The following FARSB variants were observed in gnomAD, a reference collection of about 807,000 sequenced individuals.
The protein encoded by FARSB is phenylalanyl-tRNA synthetase subunit beta.
In FARSB, 40 loss-of-function variants were observed where a neutral mutation model predicts 69.6. That is an observed-to-expected ratio of 0.57 (90% CI 0.45 to 0.75). FARSB has a LOEUF of 0.75. Ranked by LOEUF, FARSB falls within the 30% of genes least tolerant of loss-of-function variation. FARSB has a pLI of 0.00. For synonymous variants in FARSB, 235 were observed against 247.2 expected, an observed-to-expected ratio of 0.95 and a Z score of 0.46; for missense variants, 632 against 722.9, an observed-to-expected ratio of 0.87 and a Z score of 1.44.
At chr2:222,576,193 T>C (rs920490682) in intron 16 of FARSB, among the ~76,000 whole-genome samples, 3 of 152,100 alleles carry the variant, frequency 2.0e-5, no homozygotes, top group Non-Finnish European at 4.4e-5. Flanking sequence ...ACTGGCTATA[T>C]TCGACTCAAT....
intron 16 of FARSB, among the ~76,000 whole-genome samples, chr2:222,580,494 C>CA (rs5838957): frequency 0.045 from 6,221 of 139,446 alleles, 247 homozygotes; most frequent in African/African-American, 0.11. Context: ...GACAACATCT[C>CA]AAAAAAAAAA....
rs1291605481 is a variant in FARSB, at chr2:222,648,758, A to T, written c.96T>A (p.Gly32=). 2 of 1,603,104 alleles carry T rather than the reference A, an allele frequency of 1.2e-6. No individual in the cohort carries two copies. Among genetic ancestry groups the T allele is most frequent in the Non-Finnish European group, 1.7e-6 (2 of 1,170,008 alleles). Residue 32 remains glycine (G), a synonymous_variant, in exon 2 of 17, where the codon GGT becomes GGA. Coordinates refer to ENST00000281828, the MANE Select transcript of FARSB (RefSeq NM_005687.5). ...TACATACAATTTCATCAAGCTCCAG[A>T]CCAAATTCAAAACATAGTTCATCAA... ...EEFDELCFEF[G]LELDEITSEK... is the part of the protein sequence containing the mutation.
At position 222,613,929 on chromosome 2, in the gene FARSB, C is replaced by G; in HGVS notation, c.1345-1G>C. The G allele has an allele frequency of 6.2e-7, 1 of 1,602,448 alleles. No homozygotes were observed. The highest frequency in any genetic ancestry group is 8.5e-7 in the Non-Finnish European group (1 of 1,169,646). ...CAGGAAGAAGGGTAGTGCGTGCCAC[C>G]TACAGGAAAAGACATGAAATTGCAC... On this transcript the variant is annotated splice_acceptor_variant, in intron 14 of 16. Transcript: ENST00000281828. LOFTEE classifies it high-confidence loss of function.
Position 222,643,113 on chromosome 2 carries a change from A to G in FARSB, c.115-108T>C, listed in dbSNP as rs1004290197. On this transcript the variant is annotated intron_variant, in intron 2 of 16. Transcript: ENST00000281828. ...AGTAACTACATTATACATATTTTCT[A>G]TAACAAGAACATGGGATTATTATAT... 1.9e-4 allele frequency: 106 copies of G among 553,784 alleles called. 1 individual carries two copies. The highest frequency in any genetic ancestry group is 6.0e-4 in the South Asian group (18 of 30,184). 34.3% of individuals were successfully genotyped at this position (553,784 alleles called of 1,614,324 possible). A position where few individuals can be genotyped will look rare whatever the true frequency, so the allele number is the denominator to read the frequency against.
At chr2:222,655,837 G>A (rs1201617395) in intron 1 of FARSB, among the ~76,000 whole-genome samples, 179 bp downstream of exon 1, 2 of 152,262 alleles carry the variant, frequency 1.3e-5, no homozygotes, top group Non-Finnish European at 2.9e-5. Context: ...CTGCGATGCC[G>A]GTTCCGAGGC....
intron 6 of FARSB, among the ~76,000 whole-genome samples, chr2:222,633,873 A>C (rs1253479134): frequency 6.6e-6 from 1 of 152,230 alleles, no homozygotes; most frequent in Non-Finnish European, 1.5e-5. Context: ...TTTCAAAGGA[A>C]ACATAAACCA....
intron 14 of FARSB, among the ~76,000 whole-genome samples, 189 bp from the exon 15 acceptor site, chr2:222,614,117 C>T (rs1369647404): frequency 6.6e-6 from 1 of 152,118 alleles, no homozygotes; most frequent in Non-Finnish European, 1.5e-5. Flanking sequence ...CTGAAAAGAA[C>T]TGAAAACATT....
chr2:222,631,172 T>C (rs926324112), intron 8 of FARSB, among the ~76,000 whole-genome samples: 4 of 150,444 alleles, frequency 2.7e-5, no homozygotes, highest in African/African-American at 1.0e-4. Context: ...AGCTTCTTCA[T>C]CGCCAGTTCC....
At chr2:222,586,619 A>G (rs1690119288) in intron 16 of FARSB, among the ~76,000 whole-genome samples, 1 of 152,198 alleles carries the variant, frequency 6.6e-6, no homozygotes, top group African/African-American at 2.4e-5. Flanking sequence ...GACTCATCTC[A>G]CATGCAGAGA....
chr2:222,618,175 A>G lies in FARSB; in HGVS notation c.1344+1470T>C, dbSNP rs190432909. Among the ~76,000 whole-genome samples, 221 of 152,300 alleles carry G rather than the reference A, an allele frequency of 1.5e-3. 1 individual carries two copies. The highest frequency in any genetic ancestry group is 0.013 in the Admixed American group (193 of 15,300). On this transcript the variant is annotated intron_variant, in intron 14 of 16. Coordinates refer to ENST00000281828, the MANE Select transcript of FARSB (RefSeq NM_005687.5). ...TTCTGACCCTAAGTATAGATAAAGA[A>G]TTCATATACTTGATATATATTACCA...
intron 7 of FARSB, among the ~76,000 whole-genome samples, chr2:222,632,728 C>T (rs767542246): frequency 5.9e-5 from 9 of 151,896 alleles, no homozygotes; most frequent in African/African-American, 1.9e-4. Flanking sequence ...GTGGGAGAAT[C>T]GCTTGAGCCC....
At chr2:222,581,591 C>G (rs539829225) in intron 16 of FARSB, among the ~76,000 whole-genome samples, 29 of 152,194 alleles carry the variant, frequency 1.9e-4, no homozygotes, top group African/African-American at 7.0e-4. Context: ...AGTGGTTTTT[C>G]AACAATTTTC....
At position 222,599,322 on chromosome 2, in the gene FARSB, G is replaced by C. The variant is rs534324273; in HGVS notation, c.1618+606C>G. On this transcript the variant is annotated intron_variant, in intron 16 of 16. Coordinates refer to ENST00000281828, the MANE Select transcript of FARSB (RefSeq NM_005687.5). ...AAAAGCAAAAATTTCAGAGTTCCTT[G>C]GATAATGAGAAACTATTAATAGAAT... Among the ~76,000 whole-genome samples, 38 of 152,174 alleles carry C rather than the reference G, an allele frequency of 2.5e-4. No homozygotes were observed. In the South Asian group the frequency reaches 7.9e-3, roughly 32 times the overall value.
chr2:222,656,048 T>G lies in FARSB; in HGVS notation c.26A>C (p.Asp9Ala). 6.3e-7 allele frequency: 1 copy of G among 1,596,260 alleles called. No homozygotes were observed. The change falls in exon 1 of 17, where the codon GAT becomes GCT. Residue 9 changes from aspartate (D) to alanine (A), a missense_variant. Transcript: ENST00000281828. ...GCGGCCCAGGGCTTGGAAGAGCAGA[T>G]CACGCTTCACGCTGACAGTCGGCAT... MPTVSVKR[D>A]LLFQALGRTY...
chr2:222,590,140 A>G (rs1690225898), intron 16 of FARSB, among the ~76,000 whole-genome samples: 3 of 152,216 alleles, frequency 2.0e-5, no homozygotes, highest in Non-Finnish European at 4.4e-5. Flanking sequence ...GATAGACTGG[A>G]TTAAGAAAAT....
Position 222,598,044 on chromosome 2 carries a change from A to G in FARSB, c.1618+1884T>C, listed in dbSNP as rs895314581. ...TCCAAACATACAGCCTGTGTTTCCT[A>G]TCATTAGTTTGCCTTGCTTCCCCTG... On this transcript the variant is annotated intron_variant, in intron 16 of 16. Transcript: ENST00000281828. 2.0e-5 allele frequency among the ~76,000 whole-genome samples: 3 copies of G among 152,176 alleles called. No homozygotes were observed. In the East Asian group the frequency reaches 5.8e-4, roughly 29 times the overall value.
chr2:222,580,018 A>C (rs1186712627), intron 16 of FARSB, among the ~76,000 whole-genome samples: 1 of 152,172 alleles, frequency 6.6e-6, no homozygotes, highest in Non-Finnish European at 1.5e-5. Flanking sequence ...ACTTGCCACA[A>C]CACTCAGTGT....
chr2:222,585,093 T>G (rs1342259786), intron 16 of FARSB, among the ~76,000 whole-genome samples: 1 of 152,134 alleles, frequency 6.6e-6, no homozygotes, highest in African/African-American at 2.4e-5. Context: ...TACCTCCCAG[T>G]AGGGGCCGAC....
At position 222,648,426 on chromosome 2, in the gene FARSB, C is replaced by G. The variant is rs192707470; in HGVS notation, c.114+314G>C. The stretch of plus-strand genomic sequence containing the variant: ...GCAACATTTCTACTGCTTCTTGGTC[C>G]CTTTCTGTGATTAATTTGCCAAAGG... On this transcript the variant is annotated intron_variant, in intron 2 of 16. Transcript: ENST00000281828. 1.4e-3 allele frequency among the ~76,000 whole-genome samples: 219 copies of G among 152,212 alleles called. 1 individual carries two copies. Among genetic ancestry groups the G allele is most frequent in the Admixed American group, 0.013 (192 of 15,290 alleles).
Sources: allele counts gnomAD v4.1 joint callset (sites outside exome capture counted in the v4.1 genomes callset), GRCh38; gene constraint gnomAD v4.1.1; transcripts MANE v1.5; gene names NCBI Gene and HGNC (gene_info 2026-07-23, HGNC 2026-07-21).